The following CPNE4 variants were observed in gnomAD, a reference collection of about 807,000 sequenced individuals.
CPNE4 encodes the protein copine 4.
In CPNE4, 25 loss-of-function variants were observed where a neutral mutation model predicts 67.9. The observed-to-expected ratio is 0.37, with a 90% CI of 0.27 to 0.51. CPNE4 has a LOEUF of 0.51. Among genes scored for constraint, CPNE4 ranks in the 20% least tolerant of loss-of-function variants. The pLI, the probability that CPNE4 is intolerant of heterozygous loss-of-function variation, is 0.93. For synonymous variants in CPNE4, 242 were observed against 244.9 expected (o/e 0.99, Z 0.11); for missense variants, 464 against 690.8 (o/e 0.67, Z 3.68).
intron 1 of CPNE4, among the ~76,000 whole-genome samples, chr3:131,944,100 C>T (rs545837727): frequency 5.7e-4 from 86 of 152,202 alleles, no homozygotes; most frequent in Admixed American, 3.9e-3. Flanking sequence ...AGCACCTAGC[C>T]GTCATCAGCA....
intron 1 of CPNE4, among the ~76,000 whole-genome samples, chr3:131,906,360 A>G (rs112820322): frequency 0.5 from 72,328 of 144,622 alleles, 18,785 homozygotes; most frequent in East Asian, 0.65. Flanking sequence ...CCATTAACTC[A>G]TCATTTAGCA....
At chr3:131,829,105 C>T (rs1019186621) in intron 2 of CPNE4, among the ~76,000 whole-genome samples, 1 of 152,120 alleles carries the variant, frequency 6.6e-6, no homozygotes, top group Non-Finnish European at 1.5e-5. Context: ...CAGGGAAACT[C>T]CTGTTTTTAA....
intron 7 of CPNE4, among the ~76,000 whole-genome samples, chr3:131,644,587 T>C (rs1035493339): frequency 7.9e-5 from 12 of 152,206 alleles, no homozygotes; most frequent in African/African-American, 2.7e-4. Flanking sequence ...ATTTTAGATA[T>C]GAATCACATT....
intron 1 of CPNE4, among the ~76,000 whole-genome samples, chr3:131,935,915 T>C (rs2071205812): frequency 2.0e-5 from 3 of 152,006 alleles, no homozygotes; most frequent in Admixed American, 6.6e-5. Flanking sequence ...TGTGGATTCA[T>C]AGAAGGATAT....
chr3:131,966,097 C>T (rs917492218), intron 1 of CPNE4, among the ~76,000 whole-genome samples: 33 of 152,180 alleles, frequency 2.2e-4, no homozygotes, highest in African/African-American at 8.0e-4. Context: ...TACATGGAAA[C>T]TGAACAACCT....
At chr3:131,649,956 G>C (rs2079766727) in intron 7 of CPNE4, among the ~76,000 whole-genome samples, 1 of 152,116 alleles carries the variant, frequency 6.6e-6, no homozygotes, top group South Asian at 2.1e-4. Flanking sequence ...ATTTTCATCT[G>C]AATGCTTGAC....
chr3:131,783,047 A>G (rs1307940694), intron 2 of CPNE4, among the ~76,000 whole-genome samples: 1 of 152,112 alleles, frequency 6.6e-6, no homozygotes, highest in Non-Finnish European at 1.5e-5. Context: ...GCTTAGCTCC[A>G]GCCATCTTCA....
At chr3:131,935,143 C>G (rs73206092) in intron 1 of CPNE4, among the ~76,000 whole-genome samples, 3 of 152,114 alleles carry the variant, frequency 2.0e-5, no homozygotes, top group African/African-American at 7.2e-5. Context: ...ATCCTTCCCC[C>G]ATGTGTGATT....
At chr3:131,609,747 A>G (rs1939722793) in intron 7 of CPNE4, among the ~76,000 whole-genome samples, 1 of 152,212 alleles carries the variant, frequency 6.6e-6, no homozygotes, top group Admixed American at 6.5e-5. Flanking sequence ...AGAATTTTCA[A>G]GAATATTTCA....
At chr3:131,872,691 T>C (rs1043850307) in intron 2 of CPNE4, among the ~76,000 whole-genome samples, 2 of 152,258 alleles carry the variant, frequency 1.3e-5, no homozygotes, top group African/African-American at 2.4e-5. Context: ...GTATGACTTC[T>C]GTCTGGTTCT....
intron 2 of CPNE4, among the ~76,000 whole-genome samples, chr3:131,833,509 C>T (rs1301498059): frequency 6.6e-6 from 1 of 152,052 alleles, no homozygotes; most frequent in Non-Finnish European, 1.5e-5. Context: ...GCCTTGGCAG[C>T]ACAGTGAAAC....
chr3:131,653,456 G>A lies in CPNE4; in HGVS notation c.681+16219C>T, dbSNP rs371850195. The stretch of plus-strand genomic sequence containing the variant: ...AGCCACCGCGCCTGGCCACTGATAC[G>A]ACTTTTAACCAGACCTCCTGCCTCC... On this transcript the variant is annotated intron_variant, in intron 7 of 15. Coordinates refer to ENST00000429747, the MANE Select transcript of CPNE4 (RefSeq NM_130808.3). Among the ~76,000 whole-genome samples, 590 of 152,056 alleles carry A rather than the reference G, an allele frequency of 3.9e-3. 5 individuals carry two copies. Among genetic ancestry groups the A allele is most frequent in the African/African-American group, 0.013 (537 of 41,474 alleles).
At chr3:131,905,757 G>A (rs1226834764) in intron 1 of CPNE4, among the ~76,000 whole-genome samples, 2 of 152,160 alleles carry the variant, frequency 1.3e-5, no homozygotes, top group Non-Finnish European at 2.9e-5. Context: ...GCTGCAAACT[G>A]TAATCCAGCT....
At chr3:132,008,375 C>A (rs1285868603) in intron 1 of CPNE4, among the ~76,000 whole-genome samples, 1 of 152,082 alleles carries the variant, frequency 6.6e-6, no homozygotes, top group African/African-American at 2.4e-5. Flanking sequence ...TATCAAGTAC[C>A]TTCCATGTTT....
intron 10 of CPNE4, among the ~76,000 whole-genome samples, chr3:131,570,720 G>T (rs1291995334): frequency 6.6e-6 from 1 of 151,946 alleles, no homozygotes; most frequent in Non-Finnish European, 1.5e-5. Context: ...GAGTGCCCTT[G>T]ACCTCCCAAA....
intron 7 of CPNE4, among the ~76,000 whole-genome samples, chr3:131,611,543 G>C (rs948184791): frequency 7.2e-5 from 11 of 152,066 alleles, no homozygotes; most frequent in African/African-American, 2.7e-4. Context: ...ATTTAAATAA[G>C]CTGGTTGCTA....
At chr3:131,848,905 A>C (rs1484408036) in intron 2 of CPNE4, among the ~76,000 whole-genome samples, 1 of 136,658 alleles carries the variant, frequency 7.3e-6, no homozygotes, top group South Asian at 2.5e-4. Context: ...GGATTGAAGA[A>C]GGCGTTTTTT....
intron 2 of CPNE4, among the ~76,000 whole-genome samples, chr3:131,879,680 T>C (rs933003803): frequency 6.6e-6 from 1 of 152,176 alleles, no homozygotes; most frequent in African/African-American, 2.4e-5. Context: ...AGAAGAGATA[T>C]TATCTTCTGG....
At chr3:131,788,732 C>T (rs148999159) in intron 2 of CPNE4, among the ~76,000 whole-genome samples, 130 of 151,716 alleles carry the variant, frequency 8.6e-4, no homozygotes, top group African/African-American at 2.7e-3. Flanking sequence ...TACTGTGCAG[C>T]GATTAAAAAT....
Sources: allele counts gnomAD v4.1 joint callset (sites outside exome capture counted in the v4.1 genomes callset), GRCh38; gene constraint gnomAD v4.1.1; transcripts MANE v1.5; gene names NCBI Gene and HGNC (gene_info 2026-07-23, HGNC 2026-07-21).